The following DSG1 variants were observed in gnomAD, a reference collection of about 807,000 sequenced individuals.
DSG1 encodes the protein desmoglein 1.
In DSG1, 39 loss-of-function variants were observed where a neutral mutation model predicts 97.5. The ratio of observed to expected loss-of-function variants is 0.40; its 90% CI spans 0.31 to 0.52. DSG1 has a LOEUF of 0.52. Ranked by LOEUF, DSG1 falls within the 20% of genes least tolerant of loss-of-function variation. The pLI is 0.53. For synonymous variants in DSG1, 475 were observed against 443.4 expected (o/e 1.07, Z -0.90); for missense variants, 1,311 against 1,295.4 (o/e 1.01, Z -0.18).
intron 1 of DSG1, among the ~76,000 whole-genome samples, chr18:31,323,581 A>T (rs1270862331): frequency 6.6e-6 from 1 of 152,064 alleles, no homozygotes; most frequent in Admixed American, 6.6e-5. Context: ...CTTCTTTTAA[A>T]TCAAAATCTC....
Position 31,354,780 on chromosome 18 carries a change from G to T in DSG1, c.2584G>T (p.Val862Leu), listed in dbSNP as rs201083341. The change falls in exon 15 of 15, where the codon GTG becomes TTG. Residue 862 changes from valine to leucine, a missense_variant. Around this residue, in one of 3 missense-constraint regions of DSG1, gnomAD observed 1,038 missense variants for 964.6 expected, o/e 1.08. Transcript: ENST00000257192. ...TCACGATAACCGACCAGCATCAAAC[G>T]TGGTAGTGACAGAGAGAGTGGTCGG... ...HVHDNRPASN[V>L]VVTERVVGPI... 6.2e-7 allele frequency: 1 copy of T among 1,614,172 alleles called. No individual in the cohort carries two copies. The highest frequency in any genetic ancestry group is 1.3e-5 in the African/African-American group (1 of 75,044).
In DSG1 at chr18:31,331,861, C is replaced by T. The variant is rs1471363901; in HGVS notation, c.678C>T (p.Asp226=). 6.2e-7 allele frequency: 1 copy of T among 1,611,702 alleles called. No homozygotes were observed. The highest frequency in any genetic ancestry group is 8.5e-7 in the Non-Finnish European group (1 of 1,178,546). ...GEIRTMNNFL[D]REQYGQYALA... ...TTCGAACGATGAATAATTTTCTAGA[C>T]AGAGAGGTAATTCTTTTTCTTTAAG... is the stretch of plus-strand genomic sequence containing the variant. The change falls in exon 6 of 15, where the codon GAC becomes GAT. Residue 226 remains aspartate, a synonymous_variant. Transcript: ENST00000257192.
rs1244361680 is a variant in DSG1, at chr18:31,330,056, C to T, written c.517+20C>T. On this transcript the variant is annotated intron_variant, in intron 5 of 14. Transcript: ENST00000257192. The stretch of plus-strand genomic sequence containing the variant: ...ATGCAAGTAAGTAATGTAGTGGCTT[C>T]CAAATCACTCCTAACAGCCAGGCAC... 7.4e-6 allele frequency: 12 copies of T among 1,611,964 alleles called. No homozygotes were observed. The highest frequency in any genetic ancestry group is 1.3e-5 in the African/African-American group (1 of 74,810).
At chr18:31,333,521 A>C in intron 6 of DSG1, 68 bp from the exon 7 acceptor site, 4 of 1,605,250 alleles carry the variant, frequency 2.5e-6, no homozygotes, top group Non-Finnish European at 3.4e-6. Context: ...TTTTCAAAGA[A>C]CTTTACATAA....
Position 31,358,543 on chromosome 18 carries a change from G to A in DSG1, c.*3197G>A, listed in dbSNP as rs1343919540. ...ATTACATTTTTTACTCTAGTAAGTA[G>A]ATGTTTTTAGTTATCTGGCAATTTA... On this transcript the variant is annotated 3_prime_UTR_variant, in exon 15 of 15. Coordinates refer to ENST00000257192, the MANE Select transcript of DSG1 (RefSeq NM_001942.4). Among the ~76,000 whole-genome samples, 1 of 151,914 alleles carries A rather than the reference G, an allele frequency of 6.6e-6. No homozygotes were observed. The highest frequency in any genetic ancestry group is 1.9e-4 in the East Asian group (1 of 5,202).
Position 31,354,406 on chromosome 18 carries a change from G to A in DSG1, c.2210G>A (p.Ser737Asn), listed in dbSNP as rs1320518710. 6.2e-7 allele frequency: 1 copy of A among 1,614,204 alleles called. No individual in the cohort carries two copies. Among genetic ancestry groups the A allele is most frequent in the Admixed American group, 1.7e-5 (1 of 60,028 alleles). ...CCTGCTGGCTCTGTGGGTTGTTGTAGCTTCATTGGAGAAGACCTGGATGAC... is the reference window on the plus strand; with the variant it reads ...CCTGCTGGCTCTGTGGGTTGTTGTAACTTCATTGGAGAAGACCTGGATGAC... ...GSPAGSVGCCSFIGEDLDDSF... is the reference protein window; with the variant it reads ...GSPAGSVGCCNFIGEDLDDSF... The change falls in exon 15 of 15, where the codon AGC becomes AAC. Residue 737 changes from serine (S) to asparagine (N), a missense_variant. Ser to Asn is a conservative substitution (Grantham distance 46). Coordinates refer to ENST00000257192, the MANE Select transcript of DSG1 (RefSeq NM_001942.4).
chr18:31,344,404 C>T (rs2071814385), intron 13 of DSG1, among the ~76,000 whole-genome samples: 1 of 152,120 alleles, frequency 6.6e-6, no homozygotes, highest in Non-Finnish European at 1.5e-5. Context: ...GAGCCGTGCT[C>T]ATTTATTGAG....
Position 31,354,932 on chromosome 18 carries a change from T to A in DSG1, c.2736T>A (p.His912Gln). The A allele has an allele frequency of 6.2e-7, 1 of 1,614,178 alleles. No homozygotes were observed. Among genetic ancestry groups the A allele is most frequent in the South Asian group, 1.1e-5 (1 of 91,080 alleles). ...GTCTACCCACCTCTCTGACTATCCA[T>A]CATCCTAGAGAGTCTTCAAATGTGG... ...SSSLPTSLTI[H>Q]HPRESSNVVV... Residue 912 changes from histidine to glutamine, a missense_variant, in exon 15 of 15, where the codon CAT becomes CAA. Coordinates refer to ENST00000257192, the MANE Select transcript of DSG1 (RefSeq NM_001942.4).
In DSG1 at chr18:31,346,145, G is replaced by C. The variant is rs904329781; in HGVS notation, c.2047G>C (p.Glu683Gln). The change falls in exon 14 of 15, where the codon GAA becomes CAA. Residue 683 changes from glutamate to glutamine, a missense_variant. Physicochemically the swap from Glu to Gln is conservative, Grantham distance 29 (BLOSUM62 2). Coordinates refer to ENST00000257192, the MANE Select transcript of DSG1 (RefSeq NM_001942.4). ...AACATTAAGAAGAAATTCTATGAGGGAATGTAGAGAAGGAGGTCTGAATAT... is the reference window on the plus strand; with the variant it reads ...AACATTAAGAAGAAATTCTATGAGGCAATGTAGAGAAGGAGGTCTGAATAT... Reference protein sequence around the residue: ...SGTLRRNSMRECREGGLNMNF... With the variant: ...SGTLRRNSMRQCREGGLNMNF... 5 of 1,613,796 alleles carry C rather than the reference G, an allele frequency of 3.1e-6. No individual in the cohort carries two copies. In the African/African-American group the frequency reaches 5.3e-5, roughly 17 times the overall value.
At chr18:31,333,908 C>T in intron 7 of DSG1, 109 bp from the exon 8 acceptor site, 3 of 1,132,476 alleles carry the variant, frequency 2.6e-6, no homozygotes, top group Non-Finnish European at 4.0e-6. Flanking sequence ...AGATGAAAAC[C>T]ACAGATATCT....
intron 12 of DSG1, 73 bp downstream of exon 12, chr18:31,343,656 C>A: frequency 6.3e-7 from 1 of 1,597,664 alleles, no homozygotes; most frequent in Non-Finnish European, 8.6e-7. Context: ...ACCAAGATGG[C>A]CGCCATCACT....
chr18:31,339,746 A>T lies in DSG1; in HGVS notation c.1408A>T (p.Asn470Tyr). Residue 470 changes from asparagine to tyrosine, a missense_variant and splice_region_variant, in exon 11 of 15, where the codon AAT (asparagine) becomes TAT (tyrosine). Asn to Tyr is a moderately radical substitution (Grantham distance 143, BLOSUM62 -2). Transcript: ENST00000257192. ...YQGTILSIDD[N>Y]LQRTCTGTIN... Reference sequence around the variant, plus strand: ...TTCCATTTTGAACGTTATTACAGATAATCTTCAAAGAACTTGCACTGGTAC... The same window carrying T: ...TTCCATTTTGAACGTTATTACAGATTATCTTCAAAGAACTTGCACTGGTAC... 6.2e-7 allele frequency: 1 copy of T among 1,607,716 alleles called. No homozygotes were observed. The highest frequency in any genetic ancestry group is 2.2e-5 in the East Asian group (1 of 44,830).
Position 31,318,175 on chromosome 18 carries a change from C to A in DSG1, c.-126C>A. The A allele has an allele frequency of 1.2e-6, 1 of 864,298 alleles. No homozygotes were observed. The highest frequency in any genetic ancestry group is 1.3e-5 in the South Asian group (1 of 75,120). The allele number at this position is 864,298 out of a possible 1,614,324, so 53.5% of individuals were successfully genotyped here. On this transcript the variant is annotated 5_prime_UTR_variant, in exon 1 of 15. Coordinates refer to ENST00000257192, the MANE Select transcript of DSG1 (RefSeq NM_001942.4). ...AGAGGAAGGCAGAAACACCTCAAAG[C>A]CTGCATGTAAGAACATCTACTGAGA...
In DSG1 at chr18:31,355,645, T is replaced by C. The variant is rs889562483; in HGVS notation, c.*299T>C. On this transcript the variant is annotated 3_prime_UTR_variant, in exon 15 of 15. Coordinates refer to ENST00000257192, the MANE Select transcript of DSG1 (RefSeq NM_001942.4). ...CATGTAACTGGCCTTACGATGGCAA[T>C]TGGCATCATTCTCCTTGCTCTGTTT... The C allele has an allele frequency of 2.0e-5, 8 of 407,592 alleles. No individual in the cohort carries two copies. The highest frequency in any genetic ancestry group is 3.2e-5 in the Non-Finnish European group (7 of 220,258). The allele number at this position is 407,592 out of a possible 1,614,324, so 25.2% of individuals were successfully genotyped here. A position where few individuals can be genotyped will look rare whatever the true frequency, so the allele number is the denominator to read the frequency against.
rs564176374 is a variant in DSG1 at position 31,327,924 on chromosome 18, A to G, written c.217-265A>G. Among the ~76,000 whole-genome samples the G allele has an allele frequency of 7.6e-4, 116 of 152,314 alleles. 1 individual carries two copies. The highest frequency in any genetic ancestry group is 2.7e-3 in the African/African-American group (112 of 41,570). ...GAATGAAGTCATGCATGATGATTGC[A>G]TAGACTTAGATATAGTAGGGTGATA... On this transcript the variant is annotated intron_variant, in intron 3 of 14. Transcript: ENST00000257192.
At chr18:31,328,098 C>A in intron 3 of DSG1, 91 bp from the exon 4 acceptor site, 2 of 1,359,502 alleles carry the variant, frequency 1.5e-6, no homozygotes, top group Non-Finnish European at 2.0e-6. Context: ...ACAAGGTCAT[C>A]ACATGCAACA....
In DSG1 at chr18:31,338,312, C is replaced by T. The variant is rs1337308353; in HGVS notation, c.1266-3C>T. 6.2e-7 allele frequency: 1 copy of T among 1,612,934 alleles called. No individual in the cohort carries two copies. Among genetic ancestry groups the T allele is most frequent in the Admixed American group, 1.7e-5 (1 of 59,970 alleles). ...AATTTGTATCATTTTCTTTCAAATA[C>T]AGGTATGTAATGGGAAATAATCCAG... On this transcript the variant is annotated splice_region_variant and splice_polypyrimidine_tract_variant and intron_variant, in intron 9 of 14. Coordinates refer to ENST00000257192, the MANE Select transcript of DSG1 (RefSeq NM_001942.4).
intron 11 of DSG1, among the ~76,000 whole-genome samples, chr18:31,341,614 A>C: frequency 6.6e-6 from 1 of 152,202 alleles, no homozygotes; most frequent in East Asian, 1.9e-4. Flanking sequence ...TAATTAATTG[A>C]AGTAATAACC....
Position 31,343,540 on chromosome 18 carries a change from C to G in DSG1, c.1778C>G (p.Ala593Gly). Residue 593 changes from alanine (A) to glycine (G), a missense_variant, in exon 12 of 15, where the codon GCA becomes GGA. Ala to Gly is a moderately conservative substitution (Grantham distance 60). Transcript: ENST00000257192. Reference sequence around the variant, plus strand: ...CCTGTTCCCGAATGTTCAGATGGAGCAATTCATTCATGGGCAGTAGAAGGA... The same window carrying G: ...CCTGTTCCCGAATGTTCAGATGGAGGAATTCATTCATGGGCAGTAGAAGGA... ...FEPVPECSDG[A>G]IHSWAVEGPQ... 1 of 1,614,100 alleles carries G rather than the reference C, an allele frequency of 6.2e-7. No homozygotes were observed. The highest frequency in any genetic ancestry group is 8.5e-7 in the Non-Finnish European group (1 of 1,180,026).
Sources: gnomAD v4.1 joint callset for allele counts (sites outside exome capture counted in the v4.1 genomes callset) on GRCh38, gnomAD v4.1.1 for gene constraint, gnomAD v4.1.1 regional missense constraint, MANE v1.5 for transcripts, NCBI Gene and HGNC (gene_info 2026-07-23, HGNC 2026-07-21) for gene names.